Variants in F13A1 observed in about 807,000 individuals in gnomAD.
F13A1 encodes coagulation factor XIII A chain.
A neutral mutation model predicts 80.1 loss-of-function variants in F13A1; 47 were observed. That is an observed-to-expected ratio of 0.59 (90% CI 0.46 to 0.75). The LOEUF (loss-of-function observed/expected upper bound fraction) is 0.75. Ranked by LOEUF, F13A1 falls within the 30% of genes least tolerant of loss-of-function variation. The pLI, the probability that F13A1 is intolerant of heterozygous loss-of-function variation, is 0.00. For synonymous variants in F13A1, 349 were observed against 344.9 expected (o/e 1.01, Z -0.13); for missense variants, 817 against 930.4 (o/e 0.88, Z 1.59).
intron 3 of F13A1, chr6:6,305,095 A>G: frequency 1.9e-6 from 1 of 530,628 alleles, no homozygotes; most frequent in South Asian, 2.1e-5. Flanking sequence ...AGGAAGAATA[A>G]TTTAGTTAAG....
At chr6:6,199,385 G>A (rs540462868) in intron 8 of F13A1, among the ~76,000 whole-genome samples, 65 of 152,164 alleles carry the variant, frequency 4.3e-4, no homozygotes, top group Middle Eastern at 6.8e-3. Flanking sequence ...AGCTACTCGG[G>A]AGGCTGAGGC....
chr6:6,181,002 G>T (rs534574313), intron 11 of F13A1, among the ~76,000 whole-genome samples: 6 of 152,288 alleles, frequency 3.9e-5, no homozygotes, highest in Non-Finnish European at 7.4e-5. Flanking sequence ...TGCAAAATAT[G>T]TTGCATGTTC....
At chr6:6,245,291 C>T (rs1312118936) in intron 6 of F13A1, among the ~76,000 whole-genome samples, 1 of 152,076 alleles carries the variant, frequency 6.6e-6, no homozygotes, top group Non-Finnish European at 1.5e-5. Flanking sequence ...GGTGTGATCA[C>T]AGCTCACCAC....
At chr6:6,174,911 C>T (rs1561643657) in intron 11 of F13A1, 44 bp from the exon 12 acceptor site, 1 of 1,611,716 alleles carries the variant, frequency 6.2e-7, no homozygotes, top group Non-Finnish European at 8.5e-7. Context: ...ATACAATCCA[C>T]CAGAGAGAAA....
At chr6:6,165,390 A>C (rs375471801) in intron 13 of F13A1, among the ~76,000 whole-genome samples, 2 of 152,216 alleles carry the variant, frequency 1.3e-5, no homozygotes, top group East Asian at 1.9e-4. Context: ...TAAAAGATGA[A>C]AGTTATCAGT....
At chr6:6,195,095 G>A (rs73720333) in intron 10 of F13A1, among the ~76,000 whole-genome samples, 3,512 of 152,278 alleles carry the variant, frequency 0.023, 141 homozygotes, top group African/African-American at 0.077. Flanking sequence ...CAGCCTTCTC[G>A]TTTACCCAAC....
At chr6:6,295,139 T>C (rs1329230186) in intron 3 of F13A1, among the ~76,000 whole-genome samples, 1 of 147,310 alleles carries the variant, frequency 6.8e-6, no homozygotes, top group East Asian at 1.9e-4. Context: ...TAATCCAGTC[T>C]ATCATTGTTG....
chr6:6,174,257 G>T (rs1240290367), intron 12 of F13A1, among the ~76,000 whole-genome samples: 5 of 152,134 alleles, frequency 3.3e-5, no homozygotes, highest in Admixed American at 1.3e-4. Context: ...TGGCGTGGTG[G>T]CATGTGCCTG....
chr6:6,298,841 T>C (rs1268366925), intron 3 of F13A1, among the ~76,000 whole-genome samples: 1 of 149,344 alleles, frequency 6.7e-6, no homozygotes. Flanking sequence ...TTCTTCCTAG[T>C]CTTGATGGTC....
intron 14 of F13A1, among the ~76,000 whole-genome samples, chr6:6,146,417 C>T (rs17141804): frequency 0.042 from 6,376 of 152,204 alleles, 452 homozygotes; most frequent in African/African-American, 0.15. Context: ...CTAATGTATG[C>T]GGCTAATGAC....
intron 3 of F13A1, among the ~76,000 whole-genome samples, chr6:6,293,065 A>G (rs957273618): frequency 6.6e-6 from 1 of 152,188 alleles, no homozygotes; most frequent in African/African-American, 2.4e-5. Flanking sequence ...AGAAATGTGA[A>G]GCTTGAATCT....
At chr6:6,207,537 T>C (rs746525167) in intron 8 of F13A1, among the ~76,000 whole-genome samples, 1 of 152,148 alleles carries the variant, frequency 6.6e-6, no homozygotes, top group Non-Finnish European at 1.5e-5. Context: ...AACTCTGACA[T>C]AGATAGCCAC....
intron 6 of F13A1, among the ~76,000 whole-genome samples, chr6:6,228,808 C>T (rs995584407): frequency 4.0e-5 from 6 of 148,588 alleles, no homozygotes; most frequent in Admixed American, 6.7e-5. Flanking sequence ...TGTGGAGAAA[C>T]GAGTGAAAAA....
At chr6:6,150,346 T>G (rs1214095111) in intron 14 of F13A1, among the ~76,000 whole-genome samples, 1 of 152,184 alleles carries the variant, frequency 6.6e-6, no homozygotes, top group Non-Finnish European at 1.5e-5. Flanking sequence ...TGGGGTTGAT[T>G]ACTAATTTAC....
At position 6,250,938 on chromosome 6, in the gene F13A1, G is replaced by C. The variant is rs746977380; in HGVS notation, c.572-9C>G. On this transcript the variant is annotated splice_polypyrimidine_tract_variant and intron_variant, in intron 4 of 14. Coordinates refer to ENST00000264870, the MANE Select transcript of F13A1 (RefSeq NM_000129.4). The surrounding 1 kb of genome is among the most constrained non-coding windows in gnomAD (Gnocchi z 4.2). Reference sequence around the variant, plus strand: ...CAGATACACAGCATCATCTGCATCAGGGTTTAAACATAGTGACTATTACCA... The same window carrying C: ...CAGATACACAGCATCATCTGCATCACGGTTTAAACATAGTGACTATTACCA... The C allele has an allele frequency of 1.3e-6, 2 of 1,565,068 alleles. No individual in the cohort carries two copies. Among genetic ancestry groups the C allele is most frequent in the Non-Finnish European group, 1.8e-6 (2 of 1,136,386 alleles).
intron 11 of F13A1, among the ~76,000 whole-genome samples, chr6:6,180,146 G>C (rs1178826805): frequency 6.6e-6 from 1 of 152,206 alleles, no homozygotes; most frequent in Non-Finnish European, 1.5e-5. Context: ...AAATACGAGA[G>C]TTCTCACCAC....
intron 10 of F13A1, among the ~76,000 whole-genome samples, chr6:6,194,806 T>C (rs1043426174): frequency 1.3e-5 from 2 of 152,234 alleles, no homozygotes; most frequent in African/African-American, 4.8e-5. Flanking sequence ...CCTGGAGTAC[T>C]AGAGTGCAAT....
chr6:6,160,506 T>G (rs1760555611), intron 13 of F13A1, among the ~76,000 whole-genome samples: 1 of 151,828 alleles, frequency 6.6e-6, no homozygotes, highest in Non-Finnish European at 1.5e-5. Flanking sequence ...CCTGGCTAAT[T>G]TTTTATTTTT....
intron 13 of F13A1, among the ~76,000 whole-genome samples, chr6:6,164,106 T>A (rs933082753): frequency 1.3e-5 from 2 of 151,828 alleles, no homozygotes; most frequent in Admixed American, 6.6e-5. Flanking sequence ...AACTTGAACA[T>A]GTTTACAGGA....
Sources: allele counts gnomAD v4.1 joint callset (sites outside exome capture counted in the v4.1 genomes callset), GRCh38; gene constraint gnomAD v4.1.1; non-coding constraint Gnocchi (gnomAD v3.1); transcripts MANE v1.5; gene names NCBI Gene and HGNC (gene_info 2026-07-23, HGNC 2026-07-21).